Variants in CAMKMT observed in about 807,000 individuals in gnomAD.
CAMKMT encodes the protein CaM KMT.
Under a neutral mutation model 48.0 loss-of-function variants are expected in CAMKMT, and 53 were observed. The ratio of observed to expected loss-of-function variants is 1.10; its 90% CI spans 0.89 to 1.39. CAMKMT has a LOEUF of 1.39. Among genes scored for constraint, CAMKMT ranks in the 40% most tolerant of loss-of-function variants. The pLI is 0.00. For synonymous variants in CAMKMT, 165 were observed against 152.3 expected, an observed-to-expected ratio of 1.08 and a Z score of -0.61; for missense variants, 428 against 402.7, an observed-to-expected ratio of 1.06 and a Z score of -0.54.
At chr2:44,713,059 C>G (rs147329570) in intron 6 of CAMKMT, among the ~76,000 whole-genome samples, 1 of 152,068 alleles carries the variant, frequency 6.6e-6, no homozygotes, top group African/African-American at 2.4e-5. Context: ...CTAAATACTG[C>G]TGTCGAATTT....
At chr2:44,641,501 T>G (rs1673451055) in intron 3 of CAMKMT, among the ~76,000 whole-genome samples, 1 of 152,082 alleles carries the variant, frequency 6.6e-6, no homozygotes, top group African/African-American at 2.4e-5. Flanking sequence ...ACAATCATTT[T>G]TTGTTGCTGT....
chr2:44,448,122 G>T (rs1261111697), intron 3 of CAMKMT, among the ~76,000 whole-genome samples: 2 of 151,876 alleles, frequency 1.3e-5, no homozygotes, highest in African/African-American at 2.4e-5. Context: ...GTACATGTGG[G>T]GAACTAACCA....
At chr2:44,560,211 A>G (rs1668249174) in intron 3 of CAMKMT, among the ~76,000 whole-genome samples, 1 of 152,210 alleles carries the variant, frequency 6.6e-6, no homozygotes. Flanking sequence ...AGTCTTGTCC[A>G]TAAGAATCTA....
At chr2:44,575,886 G>GT (rs1270782480) in intron 3 of CAMKMT, among the ~76,000 whole-genome samples, 3 of 152,042 alleles carry the variant, frequency 2.0e-5, no homozygotes, top group Admixed American at 2.0e-4. Context: ...TTAAGTGCTT[G>GT]TAAAGTATGA....
chr2:44,764,068 G>A (rs529200882), intron 9 of CAMKMT, among the ~76,000 whole-genome samples: 6 of 151,408 alleles, frequency 4.0e-5, no homozygotes, highest in Non-Finnish European at 7.4e-5. Context: ...CTGTCCTGCC[G>A]AGACCATGTA....
chr2:44,536,327 C>CT (rs869299336), intron 3 of CAMKMT, among the ~76,000 whole-genome samples: 420 of 142,108 alleles, frequency 3.0e-3, no homozygotes, highest in Admixed American at 3.3e-3. Flanking sequence ...AAAATACCAA[C>CT]TTTTTTTTTT....
intron 3 of CAMKMT, among the ~76,000 whole-genome samples, chr2:44,642,932 C>T (rs927965191): frequency 1.3e-5 from 2 of 151,958 alleles, no homozygotes; most frequent in Admixed American, 6.6e-5. Flanking sequence ...ATTGAGTGTC[C>T]GCTGTGTTTA....
chr2:44,643,730 TC>T (rs1197478507), intron 3 of CAMKMT, among the ~76,000 whole-genome samples: 2 of 152,244 alleles, frequency 1.3e-5, no homozygotes, highest in African/African-American at 4.8e-5. Context: ...CATTAGCCTT[TC>T]TGGTGTGACT....
intron 3 of CAMKMT, among the ~76,000 whole-genome samples, chr2:44,533,785 A>G (rs1029060080): frequency 2.6e-5 from 4 of 152,238 alleles, no homozygotes; most frequent in African/African-American, 7.2e-5. Context: ...AAAGAAAAAC[A>G]CTAAACCACA....
intron 3 of CAMKMT, among the ~76,000 whole-genome samples, chr2:44,557,230 C>A (rs1668062154): frequency 6.6e-6 from 1 of 151,792 alleles, no homozygotes; most frequent in Admixed American, 6.6e-5. Flanking sequence ...TTACTCATAT[C>A]TCTGTGGGAG....
chr2:44,507,758 AGAG>A (rs1670334842), intron 3 of CAMKMT, among the ~76,000 whole-genome samples: 1 of 152,216 alleles, frequency 6.6e-6, no homozygotes, highest in Admixed American at 6.5e-5. Flanking sequence ...CACTAGACTG[AGAG>A]GAGTTTAGCA....
At chr2:44,478,299 TA>T (rs1668790810) in intron 3 of CAMKMT, among the ~76,000 whole-genome samples, 2 of 152,202 alleles carry the variant, frequency 1.3e-5, no homozygotes, top group African/African-American at 2.4e-5. Flanking sequence ...TAAGTCTATA[TA>T]TTTTTTTTCT....
intron 3 of CAMKMT, among the ~76,000 whole-genome samples, chr2:44,413,045 C>T (rs944377567): frequency 1.3e-5 from 2 of 151,568 alleles, no homozygotes; most frequent in African/African-American, 4.8e-5. Context: ...CACCACACTC[C>T]AGCCTGAGCA....
chr2:44,738,637 C>G (rs1000724843), intron 7 of CAMKMT, among the ~76,000 whole-genome samples: 3 of 152,104 alleles, frequency 2.0e-5, no homozygotes, highest in Non-Finnish European at 4.4e-5. Flanking sequence ...CATCACTGTA[C>G]AAAACAGATT....
At chr2:44,764,303 G>A (rs926126650) in intron 9 of CAMKMT, among the ~76,000 whole-genome samples, 4 of 152,158 alleles carry the variant, frequency 2.6e-5, no homozygotes, top group Admixed American at 2.0e-4. Context: ...GGTAAGTGAG[G>A]GCGAAGGGGA....
At chr2:44,766,614 G>A (rs1355981594) in intron 10 of CAMKMT, 53 bp downstream of exon 10, 31 of 1,598,624 alleles carry the variant, frequency 1.9e-5, no homozygotes, top group Non-Finnish European at 2.5e-5. Flanking sequence ...GCATTTTGAA[G>A]AGATCATGGT....
chr2:44,648,156 T>G (rs4953128), intron 3 of CAMKMT, among the ~76,000 whole-genome samples: 1 of 151,924 alleles, frequency 6.6e-6, no homozygotes, highest in East Asian at 1.9e-4. Flanking sequence ...TAGAACATTA[T>G]GTATAGTATA....
At chr2:44,555,542 G>A (rs1667960387) in intron 3 of CAMKMT, among the ~76,000 whole-genome samples, 1 of 152,206 alleles carries the variant, frequency 6.6e-6, no homozygotes, top group Admixed American at 6.5e-5. Flanking sequence ...TTTGGCTGTT[G>A]AGAAGGTCTA....
intron 4 of CAMKMT, among the ~76,000 whole-genome samples, chr2:44,705,909 G>A (rs938677420): frequency 6.6e-6 from 1 of 151,974 alleles, no homozygotes; most frequent in East Asian, 1.9e-4. Flanking sequence ...AACTGTTTTT[G>A]AAGGAATGAA....
Sources: allele counts gnomAD v4.1 joint callset (sites outside exome capture counted in the v4.1 genomes callset), GRCh38; gene constraint gnomAD v4.1.1; transcripts MANE v1.5; gene names NCBI Gene and HGNC (gene_info 2026-07-23, HGNC 2026-07-21).